Variants in LCLAT1 observed in about 807,000 individuals in gnomAD.
The protein encoded by LCLAT1 is lysocardiolipin acyltransferase 1.
In LCLAT1, 11 loss-of-function variants were observed where a neutral mutation model predicts 30.7. The observed-to-expected ratio is 0.36, with a 90% confidence interval of 0.23 to 0.59. LCLAT1 has a LOEUF of 0.59. Ranked by LOEUF, LCLAT1 falls within the 20% of genes least tolerant of loss-of-function variation. The pLI is 0.77. For synonymous variants in LCLAT1, 155 were observed against 151.3 expected (o/e 1.02, Z -0.18); for missense variants, 402 against 458.6 (o/e 0.88, Z 1.13).
At chr2:30,499,644 G>A (rs1684273686) in intron 1 of LCLAT1, among the ~76,000 whole-genome samples, 1 of 152,130 alleles carries the variant, frequency 6.6e-6, no homozygotes, top group Non-Finnish European at 1.5e-5. Context: ...GTGGCTTTTA[G>A]ATTTATCAGA....
At chr2:30,590,924 A>C (rs1666666388) in intron 5 of LCLAT1, among the ~76,000 whole-genome samples, 1 of 152,150 alleles carries the variant, frequency 6.6e-6, no homozygotes, top group South Asian at 2.1e-4. Flanking sequence ...GATTTGTAAC[A>C]TCAAAGCTGT....
intron 3 of LCLAT1, among the ~76,000 whole-genome samples, chr2:30,540,544 T>C (rs1664083356): frequency 6.6e-6 from 1 of 152,184 alleles, no homozygotes; most frequent in Non-Finnish European, 1.5e-5. Flanking sequence ...CAAACAACAG[T>C]ATATATGCTG....
chr2:30,582,617 C>G (rs1666255302), intron 5 of LCLAT1, among the ~76,000 whole-genome samples: 1 of 152,114 alleles, frequency 6.6e-6, no homozygotes, highest in African/African-American at 2.4e-5. Flanking sequence ...TATCATAAGC[C>G]CAGATTCCTT....
At chr2:30,598,411 T>C (rs143523798) in intron 5 of LCLAT1, among the ~76,000 whole-genome samples, 1,911 of 147,342 alleles carry the variant, frequency 0.013, 40 homozygotes, top group African/African-American at 0.046. Context: ...TCTTCTAGAT[T>C]TTCTTTTTTT....
At position 30,641,674 on chromosome 2, in the gene LCLAT1, C is replaced by G. The variant is rs773382986; in HGVS notation, c.*1055C>G. On this transcript the variant is annotated 3_prime_UTR_variant, in exon 6 of 6. Coordinates refer to ENST00000379509, the MANE Select transcript of LCLAT1 (RefSeq NM_001002257.3). ...TTTACCTTAAAACCAAAATGAAACACAAAAATTAATCCTTAATAATGATAG... is the reference window on the plus strand; with the variant it reads ...TTTACCTTAAAACCAAAATGAAACAGAAAAATTAATCCTTAATAATGATAG... The G allele has an allele frequency of 3.3e-5, 5 of 152,144 alleles. No individual in the cohort carries two copies. The highest frequency in any genetic ancestry group is 7.3e-5 in the Non-Finnish European group (5 of 68,032). The allele number at this position is 152,144 out of a possible 1,614,324, so 9.4% of individuals were successfully genotyped here.
chr2:30,582,370 G>A (rs1666243778), intron 5 of LCLAT1, among the ~76,000 whole-genome samples: 2 of 152,040 alleles, frequency 1.3e-5, no homozygotes, highest in African/African-American at 4.8e-5. Context: ...TAACCCACAG[G>A]CACCACCTTG....
At chr2:30,555,877 G>A (rs1224007755) in intron 3 of LCLAT1, among the ~76,000 whole-genome samples, 10 of 134,578 alleles carry the variant, frequency 7.4e-5, no homozygotes, top group Admixed American at 2.6e-4. Context: ...TTGCTCTGTC[G>A]CCCAGGCTGG....
At chr2:30,517,402 A>G (rs1291989512) in intron 1 of LCLAT1, among the ~76,000 whole-genome samples, 1 of 152,086 alleles carries the variant, frequency 6.6e-6, no homozygotes, top group Non-Finnish European at 1.5e-5. Context: ...CAGGGCCCCA[A>G]ATTTGTAAAT....
At chr2:30,627,487 G>A (rs1027910506) in intron 5 of LCLAT1, among the ~76,000 whole-genome samples, 12 of 152,126 alleles carry the variant, frequency 7.9e-5, no homozygotes, top group Non-Finnish European at 7.4e-5. Flanking sequence ...CTAGCTGCCC[G>A]TACTTAGACT....
At position 30,643,666 on chromosome 2, in the gene LCLAT1, G is replaced by A. The variant is rs540203487; in HGVS notation, c.*3047G>A. ...TTCAAACTCTAGCCCTGACTATGAT[G>A]CCCCTGTGTGCATTTACAATAAAGA... On this transcript the variant is annotated 3_prime_UTR_variant, in exon 6 of 6. Transcript: ENST00000379509. 3 of 152,550 alleles carry A rather than the reference G, an allele frequency of 2.0e-5. No individual in the cohort carries two copies. The highest frequency in any genetic ancestry group is 4.4e-5 in the Non-Finnish European group (3 of 68,038). 9.4% of individuals were successfully genotyped at this position (152,550 alleles called of 1,614,324 possible). A position where few individuals can be genotyped will look rare whatever the true frequency, so the allele number is the denominator to read the frequency against.
At chr2:30,503,950 C>T (rs1005662905) in intron 1 of LCLAT1, among the ~76,000 whole-genome samples, 1 of 152,142 alleles carries the variant, frequency 6.6e-6, no homozygotes, top group Non-Finnish European at 1.5e-5. Flanking sequence ...TCTAAGATCC[C>T]CTTCTAATGG....
At chr2:30,517,350 G>A (rs892455160) in intron 1 of LCLAT1, among the ~76,000 whole-genome samples, 2 of 152,140 alleles carry the variant, frequency 1.3e-5, no homozygotes, top group Non-Finnish European at 2.9e-5. Flanking sequence ...TACAGCCCTC[G>A]ACGTGGGTAG....
intron 1 of LCLAT1, among the ~76,000 whole-genome samples, chr2:30,455,507 C>T (rs1315462473): frequency 1.3e-5 from 2 of 152,196 alleles, no homozygotes; most frequent in Admixed American, 6.5e-5. Context: ...CTTCTAGCTT[C>T]TGGTGGCTGA....
intron 5 of LCLAT1, among the ~76,000 whole-genome samples, chr2:30,582,714 A>G (rs1306349080): frequency 6.6e-6 from 1 of 152,224 alleles, no homozygotes; most frequent in Admixed American, 6.5e-5. Flanking sequence ...TGTTGAGGGA[A>G]CTTTGTGTAC....
At chr2:30,558,890 G>A (rs1356753364) in intron 3 of LCLAT1, among the ~76,000 whole-genome samples, 4 of 152,082 alleles carry the variant, frequency 2.6e-5, no homozygotes, top group Non-Finnish European at 4.4e-5. Flanking sequence ...CAGGTTTAAC[G>A]AAAGACAGGT....
chr2:30,501,356 A>G (rs957563644), intron 1 of LCLAT1, among the ~76,000 whole-genome samples: 1 of 152,180 alleles, frequency 6.6e-6, no homozygotes, highest in African/African-American at 2.4e-5. Context: ...GTGTTCATTC[A>G]GTTTGCATTA....
intron 1 of LCLAT1, among the ~76,000 whole-genome samples, chr2:30,467,111 C>T (rs919158051): frequency 3.9e-5 from 6 of 152,126 alleles, no homozygotes; most frequent in African/African-American, 9.7e-5. Context: ...CACGACAGGC[C>T]CCGATGTGTG....
intron 5 of LCLAT1, among the ~76,000 whole-genome samples, chr2:30,610,666 A>G (rs183506597): frequency 6.6e-5 from 10 of 152,144 alleles, no homozygotes; most frequent in African/African-American, 2.4e-4. Context: ...AACAATATGG[A>G]TTCTGTTTTA....
intron 5 of LCLAT1, among the ~76,000 whole-genome samples, chr2:30,630,709 T>C (rs2148527573): frequency 6.6e-6 from 1 of 152,356 alleles, no homozygotes; most frequent in East Asian, 1.9e-4. Flanking sequence ...CCCTGACTCT[T>C]CACCTGAGAG....
Sources: allele counts gnomAD v4.1 joint callset (sites outside exome capture counted in the v4.1 genomes callset), GRCh38; gene constraint gnomAD v4.1.1; transcripts MANE v1.5; gene names NCBI Gene and HGNC (gene_info 2026-07-23, HGNC 2026-07-21).